ATAD3B: variants seen among roughly 807,000 people sequenced by gnomAD.
ATAD3B encodes the protein ATPase family AAA domain containing 3B, also known as ATPase family AAA domain-containing protein 3B.
A neutral mutation model predicts 70.2 loss-of-function variants in ATAD3B; 59 were observed. That is an observed-to-expected ratio of 0.84 (90% confidence interval 0.68 to 1.04). The LOEUF is 1.04. Among genes scored for constraint, ATAD3B ranks in the 50% least tolerant of loss-of-function variants. The pLI is 0.00. For synonymous variants in ATAD3B, 423 were observed against 388.6 expected (o/e 1.09, Z -1.04); for missense variants, 961 against 913.4 (o/e 1.05, Z -0.67).
the ATAD3B span, among the ~76,000 whole-genome samples, chr1:1,505,258 A>AGAGG: frequency 1.3e-5 from 2 of 152,248 alleles, no homozygotes; most frequent in South Asian, 2.1e-4. Flanking sequence ...CGAGGCAGAG[A>AGAGG]GAGGGAGGGA....
At position 1,489,442 on chromosome 1, in the gene ATAD3B, C is replaced by T. The variant is rs535737659; in HGVS notation, c.1337+168C>T. The T allele has an allele frequency of 1.3e-4, 161 of 1,253,234 alleles. 3 individuals carry two copies. The Admixed American group carries it at 3.9e-3, about 31-fold the overall frequency. The allele number at this position is 1,253,234 out of a possible 1,614,324, so 77.6% of individuals were successfully genotyped here. ...CCCAGCTCGGGACAGCACGGGGTGT[C>T]ATTGAGGAACATGCAGGGGCCTCCC... is the stretch of plus-strand genomic sequence containing the variant. On this transcript the variant is annotated intron_variant, in intron 13 of 15. Transcript: ENST00000673477.
chr1:1,489,922 C>A, intron 13 of ATAD3B: 1 of 1,230,682 alleles, frequency 8.1e-7, no homozygotes, highest in Non-Finnish European at 1.0e-6. Context: ...GACTCTGGGT[C>A]CCGCATCCCT....
At chr1:1,483,998 G>A (rs1369446011) in intron 7 of ATAD3B, 1 of 152,122 alleles carries the variant, frequency 6.6e-6, no homozygotes, top group East Asian at 1.9e-4. Flanking sequence ...TGTGTGCTGG[G>A]CGGGGTGGGG....
chr1:1,490,242 A>G lies in ATAD3B; in HGVS notation c.1338-15A>G. 5.0e-6 allele frequency: 8 copies of G among 1,606,886 alleles called. No homozygotes were observed. The highest frequency in any genetic ancestry group is 6.8e-6 in the Non-Finnish European group (8 of 1,174,984). The stretch of plus-strand genomic sequence containing the variant: ...TGGCAGCCCCAGCGTTTCCTTCCCC[A>G]TCCCTGTCCTACAGATTCATGCTGG... On this transcript the variant is annotated splice_polypyrimidine_tract_variant and intron_variant, in intron 13 of 15. Coordinates refer to ENST00000673477, the MANE Select transcript of ATAD3B (RefSeq NM_031921.6).
chr1:1,505,626 G>T, the ATAD3B span, among the ~76,000 whole-genome samples: 7 of 152,148 alleles, frequency 4.6e-5, no homozygotes, highest in Admixed American at 4.6e-4. Context: ...CCAGGCGCTG[G>T]CGTTACTGCT....
intron 13 of ATAD3B, 189 bp downstream of exon 13, chr1:1,489,463 C>T (rs1557812600): frequency 1.7e-6 from 2 of 1,155,354 alleles, no homozygotes; most frequent in Non-Finnish European, 2.4e-6. Context: ...ATGCAGGGGC[C>T]TCCCGGGCAG....
downstream of ATAD3B, among the ~76,000 whole-genome samples, chr1:1,500,526 T>C (rs141347831): frequency 0.014 from 1,986 of 140,878 alleles, 24 homozygotes; most frequent in African/African-American, 0.021. Flanking sequence ...CCCTCCAGTC[T>C]CTGGGGGACA....
rs1222487532 is a variant in ATAD3B at position 1,490,428 on chromosome 1, A to G, written c.1505+4A>G. ...AGCCGGCCACAGAAGGAAAACGGTG[A>G]GTGTCCCGCCTCACCCGGCCCCCAA... On this transcript the variant is annotated splice_donor_region_variant and intron_variant, in intron 14 of 15. Transcript: ENST00000673477. 1.2e-6 allele frequency: 2 copies of G among 1,613,086 alleles called. No individual in the cohort carries two copies. The highest frequency in any genetic ancestry group is 1.7e-6 in the Non-Finnish European group (2 of 1,179,592).
chr1:1,477,649 C>T (rs1421861611), intron 2 of ATAD3B, among the ~76,000 whole-genome samples: 1 of 151,712 alleles, frequency 6.6e-6, no homozygotes, highest in African/African-American at 2.4e-5. Context: ...TTCACATTCT[C>T]ACCTCATTTC....
At chr1:1,501,285 C>T (rs1640940278), downstream of ATAD3B, among the ~76,000 whole-genome samples, 1 of 147,862 alleles carries the variant, frequency 6.8e-6, no homozygotes, top group Non-Finnish European at 1.5e-5. Context: ...GACGGAGTCT[C>T]GCTCTGTCAC....
At chr1:1,478,350 A>C in intron 2 of ATAD3B, 1 of 1,366,462 alleles carries the variant, frequency 7.3e-7, no homozygotes, top group Non-Finnish European at 9.8e-7. Flanking sequence ...CACAGTCCAA[A>C]AGTGAGCACC....
rs564561819 is a variant in ATAD3B at position 1,472,530 on chromosome 1, C to T, written c.205+441C>T. On this transcript the variant is annotated intron_variant, in intron 1 of 15. Coordinates refer to ENST00000673477, the MANE Select transcript of ATAD3B (RefSeq NM_031921.6). Reference sequence around the variant, plus strand: ...GTATTTGAGAGTTACTTGATTCTAACGAGACTAGCAGATTTGCACTTCTTG... The same window carrying T: ...GTATTTGAGAGTTACTTGATTCTAATGAGACTAGCAGATTTGCACTTCTTG... 1.0e-3 allele frequency among the ~76,000 whole-genome samples: 154 copies of T among 152,032 alleles called. 3 individuals carry two copies. The highest frequency in any genetic ancestry group is 4.7e-3 in the Admixed American group (71 of 15,268).
At chr1:1,480,242 G>A (rs868126787) in intron 4 of ATAD3B, among the ~76,000 whole-genome samples, 2 of 103,376 alleles carry the variant, frequency 1.9e-5, no homozygotes, top group South Asian at 3.5e-4. Context: ...ATTACTGCAC[G>A]TGAGGGCATG....
downstream of ATAD3B, among the ~76,000 whole-genome samples, chr1:1,498,949 C>G (rs1640879160): frequency 6.6e-6 from 1 of 151,050 alleles, no homozygotes; most frequent in South Asian, 2.1e-4. Flanking sequence ...CAGGTAGCCC[C>G]TACTGCTGTG....
intron 15 of ATAD3B, among the ~76,000 whole-genome samples, chr1:1,493,142 G>C (rs1488542743): frequency 6.6e-6 from 1 of 151,838 alleles, no homozygotes; most frequent in Non-Finnish European, 1.5e-5. Context: ...AATTTGGCTT[G>C]GCACGGTGGC....
Position 1,496,204 on chromosome 1 carries a change from C to T in ATAD3B, c.*387C>T, listed in dbSNP as rs1311046313. 1.4e-4 allele frequency: 140 copies of T among 1,014,416 alleles called. 1 individual carries two copies. Among genetic ancestry groups the T allele is most frequent in the South Asian group, 1.8e-4 (4 of 22,402 alleles). 62.8% of individuals were successfully genotyped at this position (1,014,416 alleles called of 1,614,324 possible). A position where few individuals can be genotyped will look rare whatever the true frequency, so the allele number is the denominator to read the frequency against. On this transcript the variant is annotated 3_prime_UTR_variant, in exon 16 of 16. Transcript: ENST00000673477. The stretch of plus-strand genomic sequence containing the variant: ...TAATAAAGTCCCACAGGTGCCTCAC[C>T]GCCGTGTCTCTCTATTGACTGACAC...
intron 2 of ATAD3B, chr1:1,478,353 T>C: frequency 1.5e-6 from 2 of 1,375,946 alleles, no homozygotes; most frequent in South Asian, 1.5e-5. Flanking sequence ...AGTCCAAAAG[T>C]GAGCACCTGC....
At chr1:1,508,222 G>A in the ATAD3B span, among the ~76,000 whole-genome samples, 3 of 151,244 alleles carry the variant, frequency 2.0e-5, no homozygotes, top group Non-Finnish European at 2.9e-5. Flanking sequence ...TGTCTCCTGC[G>A]CTCCTGGGCC....
Position 1,496,114 on chromosome 1 carries a change from G to T in ATAD3B, c.*297G>T, listed in dbSNP as rs1640782125. The T allele has an allele frequency of 3.4e-6, 4 of 1,164,138 alleles. No individual in the cohort carries two copies. The highest frequency in any genetic ancestry group is 3.5e-4 in the Middle Eastern group (1 of 2,850). 72.1% of individuals were successfully genotyped at this position (1,164,138 alleles called of 1,614,324 possible). On this transcript the variant is annotated 3_prime_UTR_variant, in exon 16 of 16. Coordinates refer to ENST00000673477, the MANE Select transcript of ATAD3B (RefSeq NM_031921.6). ...CCAGGGGCCACGGAACCCGGCAGGG[G>T]TGTCTGAGGCCGCCCTGTCAGCTGG...
Sources: allele counts gnomAD v4.1 joint callset (sites outside exome capture counted in the v4.1 genomes callset), GRCh38; gene constraint gnomAD v4.1.1; transcripts MANE v1.5; gene names NCBI Gene and HGNC (gene_info 2026-07-23, HGNC 2026-07-21).